Variants in MCC observed in about 807,000 individuals in gnomAD.
MCC encodes the protein colorectal mutant cancer protein.
Under a neutral mutation model 116.2 loss-of-function variants are expected in MCC, and 90 were observed. That is an observed-to-expected ratio of 0.77 (90% CI 0.65 to 0.92). The LOEUF is 0.92. Among genes scored for constraint, MCC ranks in the 40% least tolerant of loss-of-function variants. The pLI, the probability that MCC is intolerant of heterozygous loss-of-function variation, is 0.00. For synonymous variants in MCC, 578 were observed against 510.5 expected, an observed-to-expected ratio of 1.13 and a Z score of -1.78; for missense variants, 1,516 against 1,312.2, an observed-to-expected ratio of 1.16 and a Z score of -2.40.
intron 2 of MCC, among the ~76,000 whole-genome samples, chr5:113,341,693 C>T (rs759993014): frequency 1.5e-4 from 23 of 152,074 alleles, no homozygotes; most frequent in Non-Finnish European, 3.2e-4. Flanking sequence ...GGAATGGTAC[C>T]CTTGGAAACC....
At chr5:113,450,887 TTTATTATAAAAATGTA>T (rs1771372960) in intron 1 of MCC, among the ~76,000 whole-genome samples, 1 of 152,186 alleles carries the variant, frequency 6.6e-6, no homozygotes, top group Non-Finnish European at 1.5e-5. Flanking sequence ...TAGCCTTCAT[TTTATTATAAAAATGTA>T]TTAGCAGAAG....
chr5:113,439,363 G>GAGA (rs1770961049), intron 1 of MCC, among the ~76,000 whole-genome samples: 3 of 128,486 alleles, frequency 2.3e-5, no homozygotes, highest in Non-Finnish European at 5.2e-5. Context: ...GACACACGAG[G>GAGA]CCTTGAAGCA....
At position 113,064,109 on chromosome 5, in the gene MCC, C is replaced by G. The variant is rs768187627; in HGVS notation, c.2088G>C (p.Arg696=). 1 of 1,614,174 alleles carries G rather than the reference C, an allele frequency of 6.2e-7. No homozygotes were observed. Among genetic ancestry groups the G allele is most frequent in the Non-Finnish European group, 8.5e-7 (1 of 1,180,010 alleles). The part of the protein sequence containing the change: ...TQMLKRAHDC[R]KTAENAAKAL... ...CCTTGGCAGCGTTCTCAGCTGTCTT[C>G]CGGCAGTCATGAGCTCGCTTGAGCA... Residue 696 remains arginine, a synonymous_variant, in exon 14 of 19, where the codon CGG becomes CGC. Coordinates refer to ENST00000408903, the MANE Select transcript of MCC (RefSeq NM_001085377.2).
In MCC at chr5:113,039,575, T is replaced by C. The variant is rs911372069; in HGVS notation, c.2756+3955A>G. ...TAAACGAGTGGGCTCAGCTCACTCA[T>C]CGGCAAGCAAGCCCAATGCTGCCAG... On this transcript the variant is annotated intron_variant, in intron 17 of 18. Coordinates refer to ENST00000408903, the MANE Select transcript of MCC (RefSeq NM_001085377.2). 2.0e-5 allele frequency among the ~76,000 whole-genome samples: 3 copies of C among 152,116 alleles called. No individual in the cohort carries two copies. The East Asian group carries it at 5.8e-4, about 29-fold the overall frequency.
At chr5:113,104,039 C>T (rs1212653428) in intron 7 of MCC, among the ~76,000 whole-genome samples, 153 bp downstream of exon 7, 1 of 152,110 alleles carries the variant, frequency 6.6e-6, no homozygotes, top group African/African-American at 2.4e-5. Flanking sequence ...TTCTAGAGCC[C>T]CCGCTTCTAC....
intron 1 of MCC, among the ~76,000 whole-genome samples, chr5:113,475,555 G>C (rs1329999932): frequency 6.6e-6 from 1 of 152,124 alleles, no homozygotes; most frequent in Admixed American, 6.6e-5. Flanking sequence ...ATGACAATGA[G>C]AAGCTGACAG....
chr5:113,448,354 T>C (rs1028619664), intron 1 of MCC: 8 of 152,180 alleles, frequency 5.3e-5, no homozygotes, highest in Non-Finnish European at 1.2e-4. Flanking sequence ...TCTGAAAATA[T>C]CGTGCTTCCA....
Position 113,482,881 on chromosome 5 carries a change from T to C in MCC, c.170+5364A>G, listed in dbSNP as rs529178368. ...TTTTCTTCTAAAAGTTTAATAGTTATAGTTCTTACATTTAAGTTTTTGATA... is the reference window on the plus strand; with the variant it reads ...TTTTCTTCTAAAAGTTTAATAGTTACAGTTCTTACATTTAAGTTTTTGATA... On this transcript the variant is annotated intron_variant, in intron 1 of 18. Transcript: ENST00000408903. 3.5e-4 allele frequency among the ~76,000 whole-genome samples: 53 copies of C among 152,330 alleles called. 1 individual carries two copies. The highest frequency in any genetic ancestry group is 6.2e-4 in the Non-Finnish European group (42 of 68,022).
intron 17 of MCC, among the ~76,000 whole-genome samples, chr5:113,040,681 G>A (rs1369204421): frequency 6.6e-6 from 1 of 152,156 alleles, no homozygotes; most frequent in Non-Finnish European, 1.5e-5. Context: ...CCCTCATGAA[G>A]TGATGACCCC....
chr5:113,354,307 C>T (rs6868148), intron 2 of MCC, among the ~76,000 whole-genome samples: 35,722 of 151,924 alleles, frequency 0.24, 4,322 homozygotes, highest in African/African-American at 0.28. Flanking sequence ...ATCCCAGTCA[C>T]GTAATCTTAC....
rs572226084 is a variant in MCC, at chr5:113,114,720, C to T, written c.1027+7964G>A. On this transcript the variant is annotated intron_variant, in intron 6 of 18. Coordinates refer to ENST00000408903, the MANE Select transcript of MCC (RefSeq NM_001085377.2). Reference sequence around the variant, plus strand: ...GCTTGACTTCAGAGCGATGGCTTGACACCGTTGCTTCGGAGAGGAGTCTGG... The same window carrying T: ...GCTTGACTTCAGAGCGATGGCTTGATACCGTTGCTTCGGAGAGGAGTCTGG... 9.8e-5 allele frequency among the ~76,000 whole-genome samples: 15 copies of T among 152,314 alleles called. No individual in the cohort carries two copies. In the South Asian group the frequency reaches 2.9e-3, roughly 30 times the overall value.
At chr5:113,410,754 C>G (rs148254646) in intron 1 of MCC, among the ~76,000 whole-genome samples, 4 of 152,328 alleles carry the variant, frequency 2.6e-5, no homozygotes, top group Middle Eastern at 3.4e-3. Context: ...TATCCCTCCC[C>G]CAACGCTCCA....
At chr5:113,122,498 C>A (rs1019605889) in intron 6 of MCC, among the ~76,000 whole-genome samples, 186 bp downstream of exon 6, 5 of 152,206 alleles carry the variant, frequency 3.3e-5, no homozygotes, top group African/African-American at 9.7e-5. Flanking sequence ...TGTATCAGAG[C>A]AGAAAGCTTC....
rs1561385323 is a variant in MCC, at chr5:113,132,453, C to CATAT, written c.885-9628_885-9627insATAT. ...ATATATATATATATATACACACACA[C>CATAT]ACACACACACACACACACACACACA... On this transcript the variant is annotated intron_variant, in intron 5 of 18. Transcript: ENST00000408903. 1.4e-4 allele frequency among the ~76,000 whole-genome samples: 18 copies of CATAT among 128,378 alleles called. 3 individuals carry two copies. Among genetic ancestry groups the CATAT allele is most frequent in the East Asian group, 4.4e-4 (2 of 4,582 alleles). 84.2% of individuals were successfully genotyped at this position (128,378 alleles called of 152,430 possible).
At chr5:113,046,167 A>G (rs897291211) in intron 16 of MCC, among the ~76,000 whole-genome samples, 2 of 152,006 alleles carry the variant, frequency 1.3e-5, no homozygotes, top group Non-Finnish European at 2.9e-5. Context: ...AAAAAAAATC[A>G]TCTGGCCTTT....
intron 3 of MCC, among the ~76,000 whole-genome samples, chr5:113,290,262 A>T (rs1766431141): frequency 6.6e-6 from 1 of 152,234 alleles, no homozygotes; most frequent in Non-Finnish European, 1.5e-5. Flanking sequence ...TTGAATGAAG[A>T]TCTAAGAAGA....
chr5:113,177,239 T>C (rs545421159), intron 3 of MCC, among the ~76,000 whole-genome samples: 12 of 152,186 alleles, frequency 7.9e-5, no homozygotes, highest in Non-Finnish European at 1.5e-4. Flanking sequence ...TCTAGTAGTC[T>C]GTAAACTCCT....
At chr5:113,445,544 T>C (rs1771185737) in intron 1 of MCC, among the ~76,000 whole-genome samples, 1 of 152,042 alleles carries the variant, frequency 6.6e-6, no homozygotes, top group South Asian at 2.1e-4. Flanking sequence ...ACCAAGAAGA[T>C]GAAAGATCTC....
chr5:113,370,493 G>A (rs926127275), intron 2 of MCC, among the ~76,000 whole-genome samples: 1 of 152,120 alleles, frequency 6.6e-6, no homozygotes, highest in African/African-American at 2.4e-5. Flanking sequence ...TCTGTTCCCA[G>A]CATTCAGAAA....
Sources: allele counts gnomAD v4.1 joint callset (sites outside exome capture counted in the v4.1 genomes callset), GRCh38; gene constraint gnomAD v4.1.1; transcripts MANE v1.5; gene names NCBI Gene and HGNC (gene_info 2026-07-23, HGNC 2026-07-21).